The following NEB variants were observed in gnomAD, a reference collection of about 807,000 sequenced individuals.
NEB encodes nemaline myopathy type 2.
In NEB, 512 loss-of-function variants were observed where a neutral mutation model predicts 952.2. That is an observed-to-expected ratio of 0.54 (90% CI 0.50 to 0.58). The LOEUF is 0.58. Ranked by LOEUF, NEB falls within the 20% of genes least tolerant of loss-of-function variation. The pLI, the probability that NEB is intolerant of heterozygous loss-of-function variation, is 0.00. For missense variants in NEB, 8,428 were observed against 9,231.1 expected, an observed-to-expected ratio of 0.91 and a Z score of 3.56; for synonymous variants, 2,900 against 3,149.8, an observed-to-expected ratio of 0.92 and a Z score of 2.66.
intron 30 of NEB, 56 bp from the exon 31 acceptor site, chr2:151,680,078 G>T: frequency 1.6e-6 from 2 of 1,282,416 alleles, no homozygotes; most frequent in Non-Finnish European, 2.3e-6. Flanking sequence ...AAATTTAATG[G>T]CACCAGAAAA....
rs1196829792 is a variant in NEB, at chr2:151,692,111, A to G, written c.2054T>C (p.Met685Thr). 2 of 1,614,024 alleles carry G rather than the reference A, an allele frequency of 1.2e-6. No homozygotes were observed. Among genetic ancestry groups the G allele is most frequent in the Non-Finnish European group, 1.7e-6 (2 of 1,179,880 alleles). Residue 685 changes from methionine to threonine, a missense_variant, in exon 22 of 182, where the codon ATG (methionine) becomes ACG (threonine). Coordinates refer to ENST00000397345, the MANE Select transcript of NEB (RefSeq NM_001164508.2). The stretch of plus-strand genomic sequence containing the variant: ...GCAGTGTGTGTGATATGGGTCCTCC[A>G]TGCTGCCTACATAATGTCCCAAAAC... ...KDVLGHYVGS[M>T]EDPYHTHCMK...
At chr2:151,519,561 AT>A in intron 154 of NEB, 96 bp downstream of exon 154, 1 of 885,342 alleles carries the variant, frequency 1.1e-6, no homozygotes. Context: ...GTTGGATAAT[AT>A]TGTGAGTGTT....
chr2:151,729,646 T>A lies in NEB; in HGVS notation c.47A>T (p.Glu16Val), dbSNP rs748679499. ...DYEEVVEYYT[E>V]EVVYEEVPGE... ...CGGCACCTCTTCGTAAACCACTTCT[T>A]CTGTGTAGTACTGTAAATAGAGCAC... The change falls in exon 4 of 182, where the codon GAA becomes GTA. Residue 16 changes from glutamate (E) to valine (V), a missense_variant. Coordinates refer to ENST00000397345, the MANE Select transcript of NEB (RefSeq NM_001164508.2). The A allele has an allele frequency of 7.0e-5, 113 of 1,613,254 alleles. No homozygotes were observed. Among genetic ancestry groups the A allele is most frequent in the Non-Finnish European group, 8.8e-5 (104 of 1,179,492 alleles).
At position 151,619,507 on chromosome 2, in the gene NEB, G is replaced by A. The variant is rs1188058379; in HGVS notation, c.10816C>T (p.Leu3606=). 10 of 1,613,484 alleles carry A rather than the reference G, an allele frequency of 6.2e-6. No individual in the cohort carries two copies. Among genetic ancestry groups the A allele is most frequent in the Non-Finnish European group, 8.5e-6 (10 of 1,179,570 alleles). Residue 3606 remains leucine, a synonymous_variant, in exon 73 of 182, where the codon CTG becomes TTG. Coordinates refer to ENST00000397345, the MANE Select transcript of NEB (RefSeq NM_001164508.2). The part of the protein sequence containing the change: ...YKHPLHEWIC[L]PDQNDIIHAR... Reference sequence around the variant, plus strand: ...TGAATGATGTCATTCTGGTCGGGCAGGCAGATCCATTCATGCAGAGGATGT... The same window carrying A: ...TGAATGATGTCATTCTGGTCGGGCAAGCAGATCCATTCATGCAGAGGATGT...
intron 52 of NEB, among the ~76,000 whole-genome samples, chr2:151,651,354 GA>G (rs954790958): frequency 8.5e-5 from 13 of 152,288 alleles, no homozygotes; most frequent in African/African-American, 2.9e-4. Flanking sequence ...TATTCTTATG[GA>G]AATGATAATC....
intron 55 of NEB, 57 bp downstream of exon 55, chr2:151,646,073 A>C (rs1336233233): frequency 1.5e-6 from 2 of 1,306,508 alleles, no homozygotes; most frequent in Admixed American, 4.2e-5. Flanking sequence ...AATTTCACTG[A>C]TTTAGAAACA....
rs1320419294 is a variant in NEB at position 151,524,235 on chromosome 2, C to G, written c.22479+76G>C. ...CCCAGCATCCCTTTGCATTTTCAAT[C>G]TGGAAATCACTTCTTCCTGCAAGGT... On this transcript the variant is annotated intron_variant, in intron 153 of 181. Transcript: ENST00000397345. 4.7e-6 allele frequency: 6 copies of G among 1,264,206 alleles called. No homozygotes were observed. The African/African-American group carries it at 8.8e-5, about 19-fold the overall frequency. The allele number at this position is 1,264,206 out of a possible 1,614,324, so 78.3% of individuals were successfully genotyped here.
In NEB at chr2:151,650,811, T is replaced by C. The variant is rs2154135341; in HGVS notation, c.6990A>G (p.Lys2330=). ...TGGCTACATTCATGGACAACACAAGTTTTGGGTCATCTTGCAGACTCCGGA... is the reference window on the plus strand; with the variant it reads ...TGGCTACATTCATGGACAACACAAGCTTTGGGTCATCTTGCAGACTCCGGA... ...VGFRSLQDDP[K]LVLSMNVAKM... is the part of the protein sequence containing the mutation. Residue 2330 remains lysine, a synonymous_variant, in exon 53 of 182, where the codon AAA becomes AAG. Coordinates refer to ENST00000397345, the MANE Select transcript of NEB (RefSeq NM_001164508.2). 3.1e-6 allele frequency: 5 copies of C among 1,613,886 alleles called. No individual in the cohort carries two copies. In the Admixed American group the frequency reaches 6.7e-5, roughly 22 times the overall value.
rs765260693 is a variant in NEB, at chr2:151,706,866, C to T, written c.1152+15G>A. On this transcript the variant is annotated intron_variant, in intron 13 of 181. Coordinates refer to ENST00000397345, the MANE Select transcript of NEB (RefSeq NM_001164508.2). ...CAGCTAAGGTTTAAAAACACTTTGA[C>T]AAAAATATACTTACGTCACTTAGGG... is the stretch of plus-strand genomic sequence containing the variant. 4 of 1,564,742 alleles carry T rather than the reference C, an allele frequency of 2.6e-6. No individual in the cohort carries two copies. The highest frequency in any genetic ancestry group is 2.3e-5 in the East Asian group (1 of 44,138).
In NEB at chr2:151,717,456, T is replaced by C. The variant is rs751699429; in HGVS notation, c.782A>G (p.Asp261Gly). 6.2e-7 allele frequency: 1 copy of C among 1,613,938 alleles called. No individual in the cohort carries two copies. The highest frequency in any genetic ancestry group is 2.2e-5 in the East Asian group (1 of 44,888). ...GGTTACTTTCTTGGCAAATTCTATATCTGGAGGATCAGCCAGAGGCGTGAA... is the reference window on the plus strand; with the variant it reads ...GGTTACTTTCTTGGCAAATTCTATACCTGGAGGATCAGCCAGAGGCGTGAA... ...AQFTPLADPP[D>G]IEFAKKVTNQ... The change falls in exon 10 of 182, where the codon GAT becomes GGT. Residue 261 changes from aspartate to glycine, a missense_variant. Coordinates refer to ENST00000397345, the MANE Select transcript of NEB (RefSeq NM_001164508.2).
At chr2:151,576,126 T>C in intron 106 of NEB, 25 bp downstream of exon 106, 1 of 1,530,606 alleles carries the variant, frequency 6.5e-7, no homozygotes, top group Non-Finnish European at 8.9e-7. Flanking sequence ...ATTAATTCAA[T>C]TTTAATAGAG....
Position 151,576,180 on chromosome 2 carries a change from C to T in NEB, c.16879G>A (p.Ala5627Thr). 1.2e-6 allele frequency: 2 copies of T among 1,603,156 alleles called. No individual in the cohort carries two copies. The highest frequency in any genetic ancestry group is 1.7e-6 in the Non-Finnish European group (2 of 1,173,140). ...SIVDTPEVVL[A>T]KSNAENISIP... Reference sequence around the variant, plus strand: ...CTAATATTTTCAGCATTTGATTTAGCAAGGACCACTTCAGGTGTGTCAACA... The same window carrying T: ...CTAATATTTTCAGCATTTGATTTAGTAAGGACCACTTCAGGTGTGTCAACA... The change falls in exon 106 of 182, where the codon GCT becomes ACT. Residue 5627 changes from alanine to threonine, a missense_variant. By Grantham distance (58) the Ala-to-Thr change is moderately conservative. This residue lies in a region of NEB where 3,374 missense variants were observed against 3,651.5 expected (regional missense o/e 0.92). Transcript: ENST00000397345.
At chr2:151,682,037 T>C (rs1167487519) in intron 29 of NEB, among the ~76,000 whole-genome samples, 2 of 152,194 alleles carry the variant, frequency 1.3e-5, no homozygotes, top group Non-Finnish European at 2.9e-5. Flanking sequence ...ATTACTTTTG[T>C]ACCAACCTAA....
Position 151,617,470 on chromosome 2 carries a change from T to C in NEB, c.11077-2A>G. Reference sequence around the variant, plus strand: ...GTCCCAGGCTTCAGTATATAAGCGCTACAAAAAAAAAAAAAAAAGAGAGAG... The same window carrying C: ...GTCCCAGGCTTCAGTATATAAGCGCCACAAAAAAAAAAAAAAAAGAGAGAG... On this transcript the variant is annotated splice_acceptor_variant, in intron 74 of 181. Transcript: ENST00000397345. LOFTEE classifies it high-confidence loss of function. 8.8e-7 allele frequency: 1 copy of C among 1,141,796 alleles called. No homozygotes were observed. Among genetic ancestry groups the C allele is most frequent in the South Asian group, 2.2e-5 (1 of 45,020 alleles). The allele number at this position is 1,141,796 out of a possible 1,614,324, so 70.7% of individuals were successfully genotyped here.
At position 151,697,577 on chromosome 2, in the gene NEB, C is replaced by T. The variant is rs772721391; in HGVS notation, c.1224G>A (p.Lys408=). 6.2e-7 allele frequency: 1 copy of T among 1,613,312 alleles called. No homozygotes were observed. Among genetic ancestry groups the T allele is most frequent in the Non-Finnish European group, 8.5e-7 (1 of 1,179,734 alleles). Residue 408 remains lysine, a synonymous_variant, in exon 14 of 182, where the codon AAG becomes AAA. Transcript: ENST00000397345. ...TGAAGTTCTGCAGAACAGTATCGAG[C>T]TTGAATTTGGGGGTCTCGCAGTAAT... ...SINYCETPKF[K]LDTVLQNFSS...
intron 124 of NEB, among the ~76,000 whole-genome samples, chr2:151,557,472 T>G (rs911064997): frequency 6.6e-6 from 1 of 152,186 alleles, no homozygotes; most frequent in African/African-American, 2.4e-5. Context: ...CTTCTGAAAC[T>G]ATTCCAAACA....
intron 9 of NEB, among the ~76,000 whole-genome samples, chr2:151,723,162 T>C (rs545269330): frequency 7.9e-5 from 12 of 152,310 alleles, no homozygotes; most frequent in African/African-American, 2.9e-4. Context: ...TTGCCACCTA[T>C]AAGAAGAGGG....
chr2:151,487,258 A>G (rs573907541), intron 181 of NEB, among the ~76,000 whole-genome samples: 3 of 152,326 alleles, frequency 2.0e-5, no homozygotes, highest in African/African-American at 7.2e-5. Context: ...TATCCTCCAC[A>G]GTGTTAAAAT....
At chr2:151,611,909 T>C (rs959923825) in intron 78 of NEB, among the ~76,000 whole-genome samples, 1 of 152,194 alleles carries the variant, frequency 6.6e-6, no homozygotes, top group South Asian at 2.1e-4. Context: ...GGAAGGGTAA[T>C]GCAATTGTGA....
Sources: allele counts gnomAD v4.1 joint callset (sites outside exome capture counted in the v4.1 genomes callset), GRCh38; gene constraint gnomAD v4.1.1; regional missense constraint gnomAD v4.1.1; transcripts MANE v1.5; gene names NCBI Gene and HGNC (gene_info 2026-07-23, HGNC 2026-07-21).